ZMAT4: variants seen among roughly 807,000 people sequenced by gnomAD.
ZMAT4 encodes zinc finger matrin-type protein 4.
A neutral mutation model predicts 28.7 loss-of-function variants in ZMAT4; 17 were observed. The observed-to-expected ratio is 0.59, with a 90% CI of 0.41 to 0.89. The LOEUF is 0.89. Ranked by LOEUF, ZMAT4 falls within the 40% of genes least tolerant of loss-of-function variation. The pLI, the probability that ZMAT4 is intolerant of heterozygous loss-of-function variation, is 0.00. For missense variants in ZMAT4, 240 were observed against 283.8 expected (o/e 0.85, Z 1.11); for synonymous variants, 117 against 109.2 (o/e 1.07, Z -0.44).
chr8:40,737,216 A>ATT (rs1006709376), intron 3 of ZMAT4, among the ~76,000 whole-genome samples: 1 of 148,516 alleles, frequency 6.7e-6, no homozygotes, highest in Non-Finnish European at 1.5e-5. Flanking sequence ...TTTTTTTGCG[A>ATT]TTTTTTTTTT....
intron 1 of ZMAT4, among the ~76,000 whole-genome samples, chr8:40,840,312 C>G (rs1816656752): frequency 6.6e-6 from 1 of 152,160 alleles, no homozygotes; most frequent in South Asian, 2.1e-4. Flanking sequence ...ATGGACCAAC[C>G]CTGATGGGCC....
intron 2 of ZMAT4, among the ~76,000 whole-genome samples, chr8:40,803,425 G>A (rs1245759981): frequency 1.3e-5 from 2 of 152,076 alleles, no homozygotes; most frequent in Admixed American, 1.3e-4. Context: ...TAAAAAATGG[G>A]CCAAAGACCT....
chr8:40,596,086 C>T (rs1805092373), intron 5 of ZMAT4, among the ~76,000 whole-genome samples: 1 of 151,960 alleles, frequency 6.6e-6, no homozygotes, highest in East Asian at 1.9e-4. Flanking sequence ...GACCAAAACT[C>T]TGTCTCAAAA....
intron 6 of ZMAT4, among the ~76,000 whole-genome samples, chr8:40,578,061 A>G: frequency 6.6e-6 from 1 of 152,098 alleles, no homozygotes. Flanking sequence ...CGCAAAGAGG[A>G]AAGAACAGTG....
At chr8:40,768,529 C>T (rs1813255187) in intron 2 of ZMAT4, among the ~76,000 whole-genome samples, 1 of 152,040 alleles carries the variant, frequency 6.6e-6, no homozygotes, top group African/African-American at 2.4e-5. Context: ...GGCAGGATGG[C>T]GGAGTGAAAA....
intron 4 of ZMAT4, among the ~76,000 whole-genome samples, chr8:40,683,185 T>G (rs956208620): frequency 6.6e-6 from 1 of 152,216 alleles, no homozygotes; most frequent in African/African-American, 2.4e-5. Context: ...AAGAAATCAC[T>G]TCTCTTACAT....
chr8:40,834,687 A>T (rs1816413316), intron 1 of ZMAT4, among the ~76,000 whole-genome samples: 1 of 152,104 alleles, frequency 6.6e-6, no homozygotes, highest in South Asian at 2.1e-4. Context: ...CTGCTTCAAC[A>T]CATAAATAGA....
At chr8:40,821,720 C>T (rs1200107155) in intron 2 of ZMAT4, among the ~76,000 whole-genome samples, 5 of 152,098 alleles carry the variant, frequency 3.3e-5, no homozygotes, top group Admixed American at 3.3e-4. Flanking sequence ...AACAATATGC[C>T]CTGACCACCA....
intron 2 of ZMAT4, among the ~76,000 whole-genome samples, chr8:40,794,555 AG>A (rs1028139429): frequency 4.6e-5 from 7 of 152,216 alleles, no homozygotes; most frequent in African/African-American, 1.2e-4. Flanking sequence ...TCCCTGTCTT[AG>A]GGATGGGGGA....
intron 1 of ZMAT4, among the ~76,000 whole-genome samples, chr8:40,893,683 C>G (rs141788632): frequency 3.9e-4 from 60 of 152,254 alleles, no homozygotes; most frequent in African/African-American, 1.3e-3. Context: ...TTTAATTTTA[C>G]GTCCGGGGGT....
chr8:40,590,200 A>G (rs568424142), intron 5 of ZMAT4, among the ~76,000 whole-genome samples: 1 of 149,948 alleles, frequency 6.7e-6, no homozygotes, highest in East Asian at 2.0e-4. Context: ...ATTTTTTTTT[A>G]TTTTTTATTT....
At chr8:40,655,502 T>C (rs1302811932) in intron 5 of ZMAT4, among the ~76,000 whole-genome samples, 1 of 148,626 alleles carries the variant, frequency 6.7e-6, no homozygotes, top group East Asian at 2.0e-4. Flanking sequence ...CAAAAAAGTC[T>C]GGAAAAAAAA....
chr8:40,732,601 G>A (rs976270542), intron 3 of ZMAT4, among the ~76,000 whole-genome samples: 4 of 152,234 alleles, frequency 2.6e-5, no homozygotes, highest in African/African-American at 7.2e-5. Flanking sequence ...AGGGGCAGAG[G>A]AGGAAGGACA....
intron 1 of ZMAT4, among the ~76,000 whole-genome samples, chr8:40,876,702 A>G (rs1034418715): frequency 1.3e-5 from 2 of 152,190 alleles, no homozygotes; most frequent in African/African-American, 4.8e-5. Flanking sequence ...CATACAAAAT[A>G]TGTGTGATTT....
chr8:40,760,090 C>T (rs1315938846), intron 3 of ZMAT4, among the ~76,000 whole-genome samples: 1 of 152,064 alleles, frequency 6.6e-6, no homozygotes, highest in Non-Finnish European at 1.5e-5. Flanking sequence ...AGAGCTTATG[C>T]AAGAATGCAG....
In ZMAT4 at chr8:40,781,854, C is replaced by A. The variant is rs150069084; in HGVS notation, c.103-14124G>T. On this transcript the variant is annotated intron_variant, in intron 2 of 6. Coordinates refer to ENST00000297737, the MANE Select transcript of ZMAT4 (RefSeq NM_024645.3). Reference sequence around the variant, plus strand: ...AATGGATTTTTGACAACCATGCCAGCACAATTCAACAAATAATGATGGGAC... The same window carrying A: ...AATGGATTTTTGACAACCATGCCAGAACAATTCAACAAATAATGATGGGAC... Among the ~76,000 whole-genome samples, 819 of 149,334 alleles carry A rather than the reference C, an allele frequency of 5.5e-3. 11 individuals are homozygous for A. Among genetic ancestry groups the A allele is most frequent in the African/African-American group, 0.019 (773 of 40,598 alleles).
chr8:40,540,694 T>G (rs1055649046), intron 6 of ZMAT4, among the ~76,000 whole-genome samples: 4 of 152,240 alleles, frequency 2.6e-5, no homozygotes, highest in African/African-American at 2.4e-5. Flanking sequence ...AGCTTGCAGC[T>G]GACATCTGAA....
intron 3 of ZMAT4, among the ~76,000 whole-genome samples, chr8:40,757,157 C>T (rs1015870507): frequency 1.5e-4 from 23 of 152,078 alleles, no homozygotes; most frequent in South Asian, 6.2e-4. Context: ...GTATGGAAGC[C>T]GAAGCAGGAA....
At chr8:40,541,920 A>G (rs769846476) in intron 6 of ZMAT4, among the ~76,000 whole-genome samples, 1 of 152,152 alleles carries the variant, frequency 6.6e-6, no homozygotes, top group African/African-American at 2.4e-5. Context: ...AGTGCCAGCA[A>G]TTACTACTAT....
Sources: allele counts gnomAD v4.1 joint callset (sites outside exome capture counted in the v4.1 genomes callset), GRCh38; gene constraint gnomAD v4.1.1; transcripts MANE v1.5; gene names NCBI Gene and HGNC (gene_info 2026-07-23, HGNC 2026-07-21).